Variants in HDAC4 observed in about 807,000 individuals in gnomAD.
The protein encoded by HDAC4 is histone deacetylase 4.
In HDAC4, 16 loss-of-function variants were observed where a neutral mutation model predicts 135.1. The observed-to-expected ratio is 0.12, with a 90% confidence interval of 0.08 to 0.18. The LOEUF (loss-of-function observed/expected upper bound fraction) is 0.18, where lower values mean the gene tolerates loss of function less well. Among genes scored for constraint, HDAC4 ranks in the 10% least tolerant of loss-of-function variants. HDAC4 has a pLI of 1.00. For missense variants in HDAC4, 1,143 were observed against 1,511.8 expected, an observed-to-expected ratio of 0.76 and a Z score of 4.05; for synonymous variants, 685 against 653.4, an observed-to-expected ratio of 1.05 and a Z score of -0.74.
In HDAC4 at chr2:239,052,989, G is replaced by A; in HGVS notation, c.*108C>T. ...TGTTGCACGCTGGGTGTCCCTGGGT[G>A]CTCCAAGAGAGCCCCACGGTGGGAC... On this transcript the variant is annotated 3_prime_UTR_variant, in exon 27 of 27. Transcript: ENST00000543185. The A allele has an allele frequency of 7.5e-7, 1 of 1,327,244 alleles. No homozygotes were observed. The highest frequency in any genetic ancestry group is 1.4e-5 in the African/African-American group (1 of 69,362). 82.2% of individuals were successfully genotyped at this position (1,327,244 alleles called of 1,614,324 possible). A position where few individuals can be genotyped will look rare whatever the true frequency, so the allele number is the denominator to read the frequency against.
intron 16 of HDAC4, among the ~76,000 whole-genome samples, chr2:239,096,111 G>A (rs1365718711): frequency 3.3e-5 from 5 of 152,116 alleles, no homozygotes; most frequent in Non-Finnish European, 7.4e-5. Flanking sequence ...GCTGGCTGCC[G>A]GGGGCCATAG....
rs77831079 is a variant in HDAC4 at position 239,077,787 on chromosome 2, C to T, written c.2750+3308G>A. Among the ~76,000 whole-genome samples, 1,341 of 152,254 alleles carry T rather than the reference C, an allele frequency of 8.8e-3. 7 individuals carry two copies. Among genetic ancestry groups the T allele is most frequent in the Non-Finnish European group, 0.012 (816 of 68,020 alleles). The stretch of plus-strand genomic sequence containing the variant: ...AGGCGCTGCGACTCCTAAAACACAC[C>T]TGTCTACAAAAGGCAGCAACAGCAG... On this transcript the variant is annotated intron_variant, in intron 22 of 26. Transcript: ENST00000543185.
At chr2:239,264,371 T>C (rs2125137589) in intron 2 of HDAC4, among the ~76,000 whole-genome samples, 1 of 152,280 alleles carries the variant, frequency 6.6e-6, no homozygotes, top group South Asian at 2.1e-4. Flanking sequence ...CGAAAGACCG[T>C]GGGGGCAGGA....
intron 24 of HDAC4, among the ~76,000 whole-genome samples, chr2:239,061,639 A>G (rs1283232516): frequency 3.3e-5 from 5 of 152,120 alleles, no homozygotes; most frequent in African/African-American, 1.2e-4. Flanking sequence ...TGAGAGGAAG[A>G]GTGACTGGAA....
intron 4 of HDAC4, among the ~76,000 whole-genome samples, chr2:239,184,381 G>A (rs1266940791): frequency 2.0e-5 from 3 of 147,570 alleles, no homozygotes; most frequent in East Asian, 2.1e-4. Flanking sequence ...ATGAGGGGGG[G>A]TCCCCCAGTG....
intron 9 of HDAC4, among the ~76,000 whole-genome samples, chr2:239,137,492 G>A (rs947536436): frequency 6.6e-6 from 1 of 151,790 alleles, no homozygotes; most frequent in Non-Finnish European, 1.5e-5. Context: ...GGCCTCCCTG[G>A]CACTGTAGAG....
chr2:239,189,554 C>T (rs576975086), intron 4 of HDAC4, among the ~76,000 whole-genome samples: 15 of 152,320 alleles, frequency 9.8e-5, no homozygotes, highest in African/African-American at 3.1e-4. Flanking sequence ...GAGCATGTTT[C>T]GGATGAAATT....
At chr2:239,193,464 C>T (rs943009562) in intron 3 of HDAC4, among the ~76,000 whole-genome samples, 19 of 152,248 alleles carry the variant, frequency 1.2e-4, no homozygotes, top group Admixed American at 9.8e-4. Context: ...CCAGGGCAGC[C>T]GCTGGGGCGC....
intron 13 of HDAC4, among the ~76,000 whole-genome samples, chr2:239,113,929 C>A (rs543615353): frequency 6.6e-6 from 1 of 152,120 alleles, no homozygotes; most frequent in East Asian, 1.9e-4. Context: ...GACAGGCCCC[C>A]CTCTGAACAA....
At chr2:239,096,020 C>G (rs1289114207) in intron 16 of HDAC4, among the ~76,000 whole-genome samples, 1 of 152,126 alleles carries the variant, frequency 6.6e-6, no homozygotes, top group African/African-American at 2.4e-5. Flanking sequence ...CTGTACCCCC[C>G]GCTGTGGGGC....
chr2:239,248,440 A>G (rs895986928), intron 2 of HDAC4, among the ~76,000 whole-genome samples: 47 of 152,112 alleles, frequency 3.1e-4, no homozygotes, highest in African/African-American at 1.0e-3. Flanking sequence ...TCAACCTCCC[A>G]AAGTGCTGGG....
intron 8 of HDAC4, among the ~76,000 whole-genome samples, chr2:239,142,038 G>GCAGAA (rs1559502877): frequency 6.6e-6 from 1 of 152,112 alleles, no homozygotes; most frequent in Non-Finnish European, 1.5e-5. Flanking sequence ...TGAGGAAGGC[G>GCAGAA]CAGAACATGG....
intron 3 of HDAC4, among the ~76,000 whole-genome samples, chr2:239,202,661 G>A (rs1410466105): frequency 2.0e-5 from 3 of 152,228 alleles, no homozygotes; most frequent in South Asian, 2.1e-4. Context: ...CGGGAGGGGC[G>A]GTGGCAGGGC....
intron 2 of HDAC4, among the ~76,000 whole-genome samples, chr2:239,289,561 A>C (rs1004041966): frequency 6.6e-6 from 1 of 151,100 alleles, no homozygotes; most frequent in Non-Finnish European, 1.5e-5. Context: ...ATAAAGAATA[A>C]AAAGACAGGA....
intron 2 of HDAC4, among the ~76,000 whole-genome samples, chr2:239,320,576 C>T (rs1228006341): frequency 2.6e-5 from 4 of 152,110 alleles, no homozygotes; most frequent in African/African-American, 9.7e-5. Flanking sequence ...AACTATTTTG[C>T]TGTTGAACTT....
intron 7 of HDAC4, among the ~76,000 whole-genome samples, chr2:239,152,602 G>A (rs972084136): frequency 1.2e-4 from 19 of 152,262 alleles, no homozygotes; most frequent in Admixed American, 1.2e-3. Flanking sequence ...TGGCACTCAG[G>A]TGAAGGCAAG....
chr2:239,296,824 G>A (rs2051924584), intron 2 of HDAC4, among the ~76,000 whole-genome samples: 4 of 152,018 alleles, frequency 2.6e-5, no homozygotes, highest in Non-Finnish European at 5.9e-5. Flanking sequence ...TATTTAGAAA[G>A]CGTGGATTAA....
In HDAC4 at chr2:239,313,452, C is replaced by A. The variant is rs1243079356; in HGVS notation, c.22+39226G>T. 6.6e-6 allele frequency among the ~76,000 whole-genome samples: 1 copy of A among 152,074 alleles called. No individual in the cohort carries two copies. Among genetic ancestry groups the A allele is most frequent in the East Asian group, 1.9e-4 (1 of 5,166 alleles). The stretch of plus-strand genomic sequence containing the variant: ...CCAGGCTGCCCAGGAGCCCGCTCCT[C>A]CAATTGGGGGCTGGCCATCCCACCG... On this transcript the variant is annotated intron_variant, in intron 2 of 26. Coordinates refer to ENST00000543185, the MANE Select transcript of HDAC4 (RefSeq NM_001378414.1). This position sits in a 1 kb window ranked among gnomAD's most constrained non-coding sequence, Gnocchi z 5.1.
chr2:239,226,344 G>A (rs987577164), intron 3 of HDAC4, among the ~76,000 whole-genome samples: 43 of 151,964 alleles, frequency 2.8e-4, no homozygotes, highest in African/African-American at 9.9e-4. Flanking sequence ...AATCCTCCCT[G>A]AGAGATACTC....
Sources: gnomAD v4.1 joint callset for allele counts (sites outside exome capture counted in the v4.1 genomes callset) on GRCh38, gnomAD v4.1.1 for gene constraint, Gnocchi (gnomAD v3.1) non-coding constraint, MANE v1.5 for transcripts, NCBI Gene and HGNC (gene_info 2026-07-23, HGNC 2026-07-21) for gene names.